Variants in NOD1 observed in about 807,000 individuals in gnomAD.
The protein encoded by NOD1 is nucleotide-binding oligomerization domain-containing protein 1.
In NOD1, 70 loss-of-function variants were observed where a neutral mutation model predicts 81.2. The ratio of observed to expected loss-of-function variants is 0.86; its 90% CI spans 0.71 to 1.05. The LOEUF (loss-of-function observed/expected upper bound fraction) is 1.05. Among genes scored for constraint, NOD1 ranks in the 50% least tolerant of loss-of-function variants. The pLI is 0.00. For missense variants in NOD1, 1,233 were observed against 1,228.0 expected (o/e 1.00, Z -0.06); for synonymous variants, 508 against 526.9 (o/e 0.96, Z 0.49).
Position 30,477,595 on chromosome 7 carries a change from A to C in NOD1, c.-352+1011T>G, listed in dbSNP as rs546241475. 1.1e-3 allele frequency among the ~76,000 whole-genome samples: 161 copies of C among 151,640 alleles called. 1 individual carries two copies. The highest frequency in any genetic ancestry group is 3.8e-3 in the African/African-American group (156 of 41,268). On this transcript the variant is annotated intron_variant, in intron 1 of 13. Transcript: ENST00000222823. ...AACAGGGCGATCTCGGCTCACTGCA[A>C]CCTCTGCCTCCCGGGTTCAAGCAAT...
Position 30,446,762 on chromosome 7 carries a change from A to T in NOD1, c.2369+205T>A, listed in dbSNP as rs1259986766. 5.4e-6 allele frequency: 3 copies of T among 550,900 alleles called. No individual in the cohort carries two copies. In the African/African-American group the frequency reaches 5.7e-5, roughly 10 times the overall value. 34.1% of individuals were successfully genotyped at this position (550,900 alleles called of 1,614,324 possible). On this transcript the variant is annotated intron_variant, in intron 8 of 13. Transcript: ENST00000222823. ...AGTAGTTAATGAAATCAAAATGCCA[A>T]CCTTTCCCCCTACCAATAACGGGAG... is the stretch of plus-strand genomic sequence containing the variant.
intron 1 of NOD1, among the ~76,000 whole-genome samples, chr7:30,462,456 T>G (rs55740347): frequency 0.15 from 22,449 of 150,738 alleles, 1,729 homozygotes; most frequent in Admixed American, 0.22. Flanking sequence ...GTTTTTTCTT[T>G]TTAAACAAGG....
intron 9 of NOD1, among the ~76,000 whole-genome samples, chr7:30,438,258 A>C (rs1185728011): frequency 6.6e-6 from 1 of 152,228 alleles, no homozygotes; most frequent in East Asian, 1.9e-4. Flanking sequence ...TGTCCCCTAC[A>C]GCAGATCCGG....
intron 1 of NOD1, among the ~76,000 whole-genome samples, chr7:30,461,340 G>A (rs1344302557): frequency 1.3e-5 from 2 of 151,964 alleles, no homozygotes; most frequent in African/African-American, 4.8e-5. Context: ...CCCATGCCTG[G>A]CTACTTTTTG....
At chr7:30,445,235 C>T (rs182878621) in intron 9 of NOD1, among the ~76,000 whole-genome samples, 2,262 of 87,790 alleles carry the variant, frequency 0.026, 51 homozygotes, top group Middle Eastern at 0.075. Context: ...ACAATGTGCA[C>T]ATGTACCCTA....
chr7:30,432,182 G>GAA (rs1167702390), intron 12 of NOD1, among the ~76,000 whole-genome samples: 1 of 151,944 alleles, frequency 6.6e-6, no homozygotes, highest in Non-Finnish European at 1.5e-5. Flanking sequence ...CAGAAAGAAA[G>GAA]AAAATACTTG....
intron 1 of NOD1, among the ~76,000 whole-genome samples, chr7:30,464,462 G>A (rs1028076581): frequency 6.6e-6 from 1 of 152,220 alleles, no homozygotes; most frequent in Admixed American, 6.5e-5. Flanking sequence ...CCCCAGCAGG[G>A]CCTAGTCTGA....
At chr7:30,448,459 G>A in intron 6 of NOD1, 78 bp from the exon 7 acceptor site, 2 of 1,234,426 alleles carry the variant, frequency 1.6e-6, no homozygotes, top group Non-Finnish European at 2.4e-6. Flanking sequence ...CAAAGATCCA[G>A]AAGCCTTCAG....
intron 12 of NOD1, among the ~76,000 whole-genome samples, chr7:30,431,321 T>A (rs1783938636): frequency 6.6e-6 from 1 of 152,224 alleles, no homozygotes; most frequent in Non-Finnish European, 1.5e-5. Flanking sequence ...TCTGAATTCA[T>A]AAGAAATGCA....
intron 8 of NOD1, 173 bp downstream of exon 8, chr7:30,446,794 C>G (rs1339598649): frequency 1.7e-6 from 1 of 584,350 alleles, no homozygotes; most frequent in South Asian, 2.4e-5. Context: ...GGAGGCCCTT[C>G]CAGAATCCAA....
At chr7:30,429,172 A>G (rs1366131826) in intron 13 of NOD1, among the ~76,000 whole-genome samples, 1 of 152,248 alleles carries the variant, frequency 6.6e-6, no homozygotes, top group African/African-American at 2.4e-5. Flanking sequence ...GCTGAATTCT[A>G]GCTTCTCTCG....
intron 1 of NOD1, among the ~76,000 whole-genome samples, chr7:30,476,438 T>C (rs1030132367): frequency 4.6e-5 from 7 of 152,192 alleles, no homozygotes; most frequent in African/African-American, 1.7e-4. Context: ...GAATTTGGGT[T>C]CTCCCTTCCT....
At chr7:30,436,491 G>C (rs1362932534) in intron 10 of NOD1, among the ~76,000 whole-genome samples, 1 of 152,208 alleles carries the variant, frequency 6.6e-6, no homozygotes, top group Non-Finnish European at 1.5e-5. Context: ...TTTTTCAGTG[G>C]TAGGAAGAAC....
At chr7:30,446,641 G>C in intron 8 of NOD1, 1 of 399,316 alleles carries the variant, frequency 2.5e-6, no homozygotes, top group African/African-American at 2.0e-5. Context: ...CCTACAGCAG[G>C]GCAAGGGCCC....
rs752958736 is a variant in NOD1, at chr7:30,456,721, C to T, written c.201G>A (p.Lys67=). 1.2e-6 allele frequency: 2 copies of T among 1,613,698 alleles called. No individual in the cohort carries two copies. The highest frequency in any genetic ancestry group is 1.7e-6 in the Non-Finnish European group (2 of 1,179,996). ...ATGCCCGTCCCTGTCCCCGGGGCAC[C>T]TTGTCAGGCTGGGTGGGGCAGGCAC... ...IVCACPTQPD[K]VRKILDLVQS... Residue 67 remains lysine (K), a splice_region_variant and synonymous_variant, in exon 4 of 14, where the codon AAG becomes AAA. Coordinates refer to ENST00000222823, the MANE Select transcript of NOD1 (RefSeq NM_006092.4).
Position 30,452,089 on chromosome 7 carries a change from T to C in NOD1, c.1328A>G (p.Gln443Arg), listed in dbSNP as rs202193106. ...LNRMQPSSLV[Q>R]RNTRSPVETL... is the part of the protein sequence containing the mutation. Reference sequence around the variant, plus strand: ...CTCCACTGGGCTGCGTGTGTTCCGCTGCACCAGGCTGCTGGGCTGCATCCT... The same window carrying C: ...CTCCACTGGGCTGCGTGTGTTCCGCCGCACCAGGCTGCTGGGCTGCATCCT... The change falls in exon 6 of 14, where the codon CAG becomes CGG. Residue 443 changes from glutamine to arginine, a missense_variant. Physicochemically the swap from Gln to Arg is conservative, Grantham distance 43 (BLOSUM62 1). Transcript: ENST00000222823. The C allele has an allele frequency of 6.2e-7, 1 of 1,613,806 alleles. No individual in the cohort carries two copies. Among genetic ancestry groups the C allele is most frequent in the Non-Finnish European group, 8.5e-7 (1 of 1,180,010 alleles).
At chr7:30,468,434 A>G (rs1373998975) in intron 1 of NOD1, among the ~76,000 whole-genome samples, 1 of 152,218 alleles carries the variant, frequency 6.6e-6, no homozygotes, top group Admixed American at 6.5e-5. Flanking sequence ...CAAGGAAACT[A>G]GTTCAGATTC....
chr7:30,449,111 A>G (rs1480027843), intron 6 of NOD1, among the ~76,000 whole-genome samples: 1 of 152,234 alleles, frequency 6.6e-6, no homozygotes, highest in African/African-American at 2.4e-5. Context: ...ATAAAACTTT[A>G]CTTAGAAACA....
At chr7:30,454,687 T>G (rs1050562516) in intron 5 of NOD1, among the ~76,000 whole-genome samples, 4 of 152,082 alleles carry the variant, frequency 2.6e-5, no homozygotes, top group Non-Finnish European at 5.9e-5. Context: ...GGCTGGAGTG[T>G]AGGGGCACAA....
Sources: allele counts gnomAD v4.1 joint callset (sites outside exome capture counted in the v4.1 genomes callset), GRCh38; gene constraint gnomAD v4.1.1; transcripts MANE v1.5; gene names NCBI Gene and HGNC (gene_info 2026-07-23, HGNC 2026-07-21).